Variants in MAPK4 observed in about 807,000 individuals in gnomAD.
MAPK4 encodes the protein mitogen-activated protein kinase 4, also known as Erk3-related.
Under a neutral mutation model 47.7 loss-of-function variants are expected in MAPK4, and 22 were observed. The ratio of observed to expected loss-of-function variants is 0.46; its 90% CI spans 0.33 to 0.66. The LOEUF (loss-of-function observed/expected upper bound fraction) is 0.66, where lower values mean the gene tolerates loss of function less well. Among genes scored for constraint, MAPK4 ranks in the 30% least tolerant of loss-of-function variants. The probability of loss-of-function intolerance (pLI) is 0.02; values close to 1 mark genes in which losing one functional copy is unlikely to be tolerated. For missense variants in MAPK4, 736 were observed against 831.7 expected (o/e 0.88, Z 1.42); for synonymous variants, 390 against 365.7 (o/e 1.07, Z -0.76).
intron 1 of MAPK4, among the ~76,000 whole-genome samples, chr18:50,632,664 G>C (rs2042842333): frequency 7.2e-6 from 1 of 139,648 alleles, no homozygotes; most frequent in Non-Finnish European, 1.5e-5. Flanking sequence ...CTGACATCCA[G>C]GCTGGAGTGC....
chr18:50,573,116 A>T (rs1052281942), intron 1 of MAPK4, among the ~76,000 whole-genome samples: 2 of 151,300 alleles, frequency 1.3e-5, no homozygotes, highest in Non-Finnish European at 2.9e-5. Context: ...GATTGACGTG[A>T]GGGAAGGGAT....
At chr18:50,647,448 C>T (rs777868125) in intron 1 of MAPK4, among the ~76,000 whole-genome samples, 1 of 152,096 alleles carries the variant, frequency 6.6e-6, no homozygotes, top group African/African-American at 2.4e-5. Flanking sequence ...GATCTGAAAG[C>T]CTGGAGAAGA....
chr18:50,656,930 G>A lies in MAPK4; in HGVS notation c.-870-6159G>A, dbSNP rs76995697. ...AAATGTAAAAGTCCAAAGCAAAAAT[G>A]TCTTAAACAGCAGTAGGGCTTAACA... On this transcript the variant is annotated intron_variant, in intron 1 of 5. Transcript: ENST00000400384. 3.7e-3 allele frequency among the ~76,000 whole-genome samples: 570 copies of A among 152,302 alleles called. 2 individuals carry two copies. The highest frequency in any genetic ancestry group is 0.012 in the African/African-American group (490 of 41,564).
intron 2 of MAPK4, among the ~76,000 whole-genome samples, chr18:50,682,590 T>C (rs1195314659): frequency 6.6e-6 from 1 of 152,222 alleles, no homozygotes; most frequent in Non-Finnish European, 1.5e-5. Flanking sequence ...ATAATACATA[T>C]TGACCAAGAG....
At chr18:50,685,571 A>G (rs1316932966) in intron 2 of MAPK4, among the ~76,000 whole-genome samples, 1 of 152,212 alleles carries the variant, frequency 6.6e-6, no homozygotes, top group Non-Finnish European at 1.5e-5. Context: ...GGATGGCATA[A>G]AGCCAGCCGT....
chr18:50,620,250 A>G (rs1344284663), intron 1 of MAPK4, among the ~76,000 whole-genome samples: 3 of 152,176 alleles, frequency 2.0e-5, no homozygotes, highest in African/African-American at 7.2e-5. Flanking sequence ...GAAGAGCAAA[A>G]TGGGACGCAA....
chr18:50,696,112 A>G (rs1909500943), intron 2 of MAPK4, among the ~76,000 whole-genome samples: 1 of 151,374 alleles, frequency 6.6e-6, no homozygotes, highest in East Asian at 1.9e-4. Context: ...AAAAAAAAAA[A>G]GCAAACAAAA....
chr18:50,697,288 T>C (rs894768), intron 2 of MAPK4, among the ~76,000 whole-genome samples: 99,390 of 152,062 alleles, frequency 0.65, 32,543 homozygotes, highest in East Asian at 0.68. Context: ...AAAATAGGAA[T>C]AAGAACAGCA....
chr18:50,695,927 A>C (rs1909489925), intron 2 of MAPK4, among the ~76,000 whole-genome samples: 1 of 152,114 alleles, frequency 6.6e-6, no homozygotes, highest in South Asian at 2.1e-4. Flanking sequence ...GAGGAAACTG[A>C]GGCTCAGAGA....
intron 1 of MAPK4, among the ~76,000 whole-genome samples, chr18:50,564,982 G>A (rs1373164215): frequency 6.6e-6 from 1 of 152,250 alleles, no homozygotes; most frequent in Admixed American, 6.5e-5. Flanking sequence ...GTCCTGTGAG[G>A]ACAAGTGATG....
At chr18:50,715,483 C>T (rs146803777) in intron 3 of MAPK4, among the ~76,000 whole-genome samples, 56 of 152,278 alleles carry the variant, frequency 3.7e-4, no homozygotes, top group African/African-American at 1.3e-3. Flanking sequence ...TGCTTGTGTT[C>T]CCCTAACATT....
At chr18:50,633,206 A>G (rs959153678) in intron 1 of MAPK4, among the ~76,000 whole-genome samples, 3 of 152,226 alleles carry the variant, frequency 2.0e-5, no homozygotes, top group Non-Finnish European at 4.4e-5. Flanking sequence ...AAAGGACACA[A>G]GGTCTTCTCG....
intron 2 of MAPK4, among the ~76,000 whole-genome samples, chr18:50,677,747 G>T (rs1908358456): frequency 6.6e-6 from 1 of 152,116 alleles, no homozygotes; most frequent in Non-Finnish European, 1.5e-5. Context: ...TAGAGACAAG[G>T]TCTCGCTATG....
intron 2 of MAPK4, among the ~76,000 whole-genome samples, chr18:50,701,244 T>G (rs1272879642): frequency 6.6e-6 from 1 of 151,420 alleles, no homozygotes; most frequent in Non-Finnish European, 1.5e-5. Flanking sequence ...GGGCCAGATT[T>G]ACCGTGGAGT....
At chr18:50,626,200 T>A (rs1460036494) in intron 1 of MAPK4, among the ~76,000 whole-genome samples, 1 of 152,176 alleles carries the variant, frequency 6.6e-6, no homozygotes, top group African/African-American at 2.4e-5. Context: ...GCAAATCTCA[T>A]CCAAAAACAT....
At chr18:50,694,842 A>C (rs545560388) in intron 2 of MAPK4, among the ~76,000 whole-genome samples, 1 of 152,208 alleles carries the variant, frequency 6.6e-6, no homozygotes, top group African/African-American at 2.4e-5. Context: ...TCATTACTCC[A>C]TCACCACTGT....
At chr18:50,584,974 T>C (rs1215058785) in intron 1 of MAPK4, among the ~76,000 whole-genome samples, 2 of 152,388 alleles carry the variant, frequency 1.3e-5, no homozygotes, top group African/African-American at 2.4e-5. Context: ...TGGCTTTGTT[T>C]GGTTCCTGTA....
chr18:50,677,226 C>T (rs1046437106), intron 2 of MAPK4, among the ~76,000 whole-genome samples: 3 of 152,176 alleles, frequency 2.0e-5, no homozygotes, highest in Non-Finnish European at 4.4e-5. Context: ...CGAAACTGAT[C>T]CCTGGTGCCA....
intron 2 of MAPK4, among the ~76,000 whole-genome samples, chr18:50,670,686 G>A (rs908488391): frequency 6.6e-6 from 1 of 151,692 alleles, no homozygotes; most frequent in Non-Finnish European, 1.5e-5. Context: ...GAACTTGGGA[G>A]GTGGAGGTTG....
Sources: allele counts gnomAD v4.1 joint callset (sites outside exome capture counted in the v4.1 genomes callset), GRCh38; gene constraint gnomAD v4.1.1; transcripts MANE v1.5; gene names NCBI Gene and HGNC (gene_info 2026-07-23, HGNC 2026-07-21).